Variants in ABCA8 observed in about 807,000 individuals in gnomAD.
ABCA8 encodes ABC-type organic anion transporter ABCA8.
A neutral mutation model predicts 192.3 loss-of-function variants in ABCA8; 177 were observed. The observed-to-expected ratio is 0.92, with a 90% confidence interval of 0.81 to 1.04. The LOEUF (loss-of-function observed/expected upper bound fraction) is 1.04, where lower values mean the gene tolerates loss of function less well. Among genes scored for constraint, ABCA8 ranks in the 50% least tolerant of loss-of-function variants. The pLI, the probability that ABCA8 is intolerant of heterozygous loss-of-function variation, is 0.00. For synonymous variants in ABCA8, 642 were observed against 690.2 expected (o/e 0.93, Z 1.09); for missense variants, 1,915 against 1,904.8 (o/e 1.01, Z -0.10).
intron 4 of ABCA8, among the ~76,000 whole-genome samples, chr17:68,939,091 A>G (rs1469313983): frequency 6.6e-6 from 1 of 152,132 alleles, no homozygotes; most frequent in Non-Finnish European, 1.5e-5. Flanking sequence ...TAGCTGATCT[A>G]GAAACCATCC....
At chr17:68,905,308 C>T (rs531719945) in intron 19 of ABCA8, among the ~76,000 whole-genome samples, 1 of 152,282 alleles carries the variant, frequency 6.6e-6, no homozygotes, top group African/African-American at 2.4e-5. Flanking sequence ...GAGTCAGTTA[C>T]TGATAACGGT....
intron 22 of ABCA8, among the ~76,000 whole-genome samples, chr17:68,894,555 T>C (rs908446855): frequency 6.6e-5 from 10 of 152,204 alleles, no homozygotes; most frequent in Admixed American, 4.6e-4. Flanking sequence ...GAGGCCAGAA[T>C]CATATGTTCA....
chr17:68,921,450 A>C lies in ABCA8; in HGVS notation c.1544T>G (p.Leu515Arg), dbSNP rs772127757. ...DIYEGQITAI[L>R]GHSGAGKSTL... ...TGACTTTCCAGCTCCACTGTGACCAAGTATTGCAGTGATTTGGCCTTCGTA... is the reference window on the plus strand; with the variant it reads ...TGACTTTCCAGCTCCACTGTGACCACGTATTGCAGTGATTTGGCCTTCGTA... The change falls in exon 13 of 40, where the codon CTT becomes CGT. Residue 515 changes from leucine to arginine, a missense_variant. Coordinates refer to ENST00000586539, the MANE Select transcript of ABCA8 (RefSeq NM_001288985.2). 2 of 1,609,812 alleles carry C rather than the reference A, an allele frequency of 1.2e-6. No individual in the cohort carries two copies. Among genetic ancestry groups the C allele is most frequent in the South Asian group, 2.2e-5 (2 of 90,264 alleles).
intron 2 of ABCA8, among the ~76,000 whole-genome samples, chr17:68,946,795 G>T (rs939414492): frequency 6.6e-6 from 1 of 152,068 alleles, no homozygotes; most frequent in African/African-American, 2.4e-5. Context: ...AAAAAAATTA[G>T]CTGGGCATGG....
chr17:68,924,132 A>G (rs946572493), intron 11 of ABCA8, among the ~76,000 whole-genome samples: 2 of 152,108 alleles, frequency 1.3e-5, no homozygotes, highest in Non-Finnish European at 2.9e-5. Flanking sequence ...AGGCCAAGTG[A>G]AGTTGGGTGT....
chr17:68,868,082 G>GT lies in ABCA8; in HGVS notation c.*2dup. On this transcript the variant is annotated 3_prime_UTR_variant, in exon 40 of 40. Coordinates refer to ENST00000586539, the MANE Select transcript of ABCA8 (RefSeq NM_001288985.2). ...TTTAAACAGGAACACAGAATTTGGG[G>GT]TTTTAAGGCTCTTCCTGGGGGAGGA... 6.2e-7 allele frequency: 1 copy of GT among 1,604,360 alleles called. No individual in the cohort carries two copies.
intron 10 of ABCA8, 30 bp downstream of exon 10, chr17:68,927,886 A>G (rs111370389): frequency 6.9e-7 from 1 of 1,456,058 alleles, no homozygotes; most frequent in Non-Finnish European, 9.4e-7. Flanking sequence ...TATTTAAATG[A>G]TATATGATTT....
chr17:68,923,082 C>G (rs549169278), intron 11 of ABCA8, among the ~76,000 whole-genome samples: 2 of 152,090 alleles, frequency 1.3e-5, no homozygotes, highest in African/African-American at 4.8e-5. Flanking sequence ...TTTTATTCTA[C>G]CAGGTAAGTA....
chr17:68,870,068 C>A, intron 37 of ABCA8, among the ~76,000 whole-genome samples: 1 of 152,096 alleles, frequency 6.6e-6, no homozygotes, highest in Non-Finnish European at 1.5e-5. Context: ...TGGTTTGAAC[C>A]CAAGCTAGGG....
intron 35 of ABCA8, among the ~76,000 whole-genome samples, 172 bp from the exon 36 acceptor site, chr17:68,875,905 C>T (rs886294475): frequency 1.3e-5 from 2 of 152,128 alleles, no homozygotes; most frequent in Non-Finnish European, 2.9e-5. Flanking sequence ...TAGGTGAGAG[C>T]TGTTAAACTG....
chr17:68,886,330 T>A (rs2066460034), intron 26 of ABCA8, among the ~76,000 whole-genome samples: 2 of 152,198 alleles, frequency 1.3e-5, no homozygotes, highest in Non-Finnish European at 2.9e-5. Flanking sequence ...CCTTGTTTTT[T>A]GTCTATATCT....
Position 68,935,540 on chromosome 17 carries a change from CTATA to C in ABCA8, c.466+1407_466+1410del, listed in dbSNP as rs6146128. Among the ~76,000 whole-genome samples the C allele has an allele frequency of 1.1e-3, 98 of 87,286 alleles. 4 individuals carry two copies. The South Asian group carries it at 0.013, about 11-fold the overall frequency. 57.3% of individuals were successfully genotyped at this position (87,286 alleles called of 152,430 possible). On this transcript the variant is annotated intron_variant, in intron 5 of 39. Transcript: ENST00000586539. ...TTTAATTTATGGCTGAGTAGTATTC[CTATA>C]TATATATATATATATATATATATAT...
chr17:68,888,031 A>T (rs1341069122), intron 24 of ABCA8, among the ~76,000 whole-genome samples: 1 of 143,980 alleles, frequency 6.9e-6, no homozygotes, highest in Non-Finnish European at 1.5e-5. Context: ...GAGTGTGTAT[A>T]TATGTGTGTT....
chr17:68,936,504 C>T (rs973280865), intron 5 of ABCA8, among the ~76,000 whole-genome samples: 3 of 152,040 alleles, frequency 2.0e-5, no homozygotes, highest in African/African-American at 7.2e-5. Context: ...TGGCTTCATT[C>T]TGGTTTCTCT....
chr17:68,950,667 TCTTA>T (rs1234174164), intron 1 of ABCA8, among the ~76,000 whole-genome samples: 1 of 152,208 alleles, frequency 6.6e-6, no homozygotes, highest in Non-Finnish European at 1.5e-5. Flanking sequence ...TAATTTATCC[TCTTA>T]CTTTTCACGG....
intron 10 of ABCA8, 37 bp from the exon 11 acceptor site, chr17:68,924,906 G>T: frequency 6.2e-7 from 1 of 1,601,318 alleles, no homozygotes; most frequent in Non-Finnish European, 8.5e-7. Context: ...TTGGGTCAAT[G>T]ACCACGTTAG....
chr17:68,922,194 CTTTTTTTTTTTTTTTTTTTT>C lies in ABCA8; in HGVS notation c.1501+28_1501+47del, dbSNP rs201226205. On this transcript the variant is annotated intron_variant, in intron 12 of 39. Transcript: ENST00000586539. The stretch of plus-strand genomic sequence containing the variant: ...TAACAAATATTTTCTTTCTCTCTCT[CTTTTTTTTTTTTTTTTTTTT>C]TTTTTTTTTTTTTTTTTTTTTTTTT... 81 of 527,418 alleles carry C rather than the reference CTTTTTTTTTTTTTTTTTTTT, an allele frequency of 1.5e-4. 1 individual carries two copies. The East Asian group carries it at 1.6e-3, about 10-fold the overall frequency. The allele number at this position is 527,418 out of a possible 1,614,324, so 32.7% of individuals were successfully genotyped here. A position where few individuals can be genotyped will look rare whatever the true frequency, so the allele number is the denominator to read the frequency against.
chr17:68,873,786 C>T (rs1260627385), intron 37 of ABCA8, among the ~76,000 whole-genome samples: 1 of 152,178 alleles, frequency 6.6e-6, no homozygotes, highest in Non-Finnish European at 1.5e-5. Flanking sequence ...GTTTTCCCAA[C>T]ACAATTGGTT....
chr17:68,919,557 G>A, intron 13 of ABCA8, 81 bp from the exon 14 acceptor site: 1 of 1,233,236 alleles, frequency 8.1e-7, no homozygotes, highest in East Asian at 2.4e-5. Context: ...ATGTACGTAT[G>A]ACTTTATCTT....
Sources: allele counts gnomAD v4.1 joint callset (sites outside exome capture counted in the v4.1 genomes callset), GRCh38; gene constraint gnomAD v4.1.1; transcripts MANE v1.5; gene names NCBI Gene and HGNC (gene_info 2026-07-23, HGNC 2026-07-21).